SYT16: variants seen among roughly 807,000 people sequenced by gnomAD.
SYT16 encodes synaptotagmin-16.
A neutral mutation model predicts 61.4 loss-of-function variants in SYT16; 42 were observed. That is an observed-to-expected ratio of 0.68 (90% confidence interval 0.53 to 0.89). SYT16 has a LOEUF of 0.89. SYT16 is among the 40% of genes least tolerant of loss of function. The pLI, the probability that SYT16 is intolerant of heterozygous loss-of-function variation, is 0.00. For missense variants in SYT16, 804 were observed against 807.3 expected (o/e 1.00, Z 0.05); for synonymous variants, 314 against 302.3 (o/e 1.04, Z -0.40).
At chr14:61,921,572 C>T (rs781034301) in intron 1 of SYT16, among the ~76,000 whole-genome samples, 10 of 152,212 alleles carry the variant, frequency 6.6e-5, no homozygotes, top group Non-Finnish European at 1.2e-4. Flanking sequence ...CCTTAGAGGT[C>T]TATATTCCAT....
chr14:61,812,634 G>T (rs890950867), upstream of SYT16: 1 of 146,032 alleles, frequency 6.8e-6, no homozygotes, highest in Non-Finnish European at 1.5e-5. Flanking sequence ...TGCTGGGCGC[G>T]GGGCGGCGCG....
At chr14:61,859,406 C>T (rs1032531941) in intron 1 of SYT16, among the ~76,000 whole-genome samples, 1 of 152,046 alleles carries the variant, frequency 6.6e-6, no homozygotes, top group African/African-American at 2.4e-5. Context: ...ATGTAAACTT[C>T]ACATTTGATT....
At chr14:61,920,308 G>A (rs1038475326) in intron 1 of SYT16, among the ~76,000 whole-genome samples, 2 of 152,178 alleles carry the variant, frequency 1.3e-5, no homozygotes, top group African/African-American at 4.8e-5. Flanking sequence ...AAACATGCAG[G>A]TTTGTTAATA....
chr14:62,058,317 C>T (rs554392661), intron 3 of SYT16, among the ~76,000 whole-genome samples: 6 of 145,394 alleles, frequency 4.1e-5, no homozygotes, highest in African/African-American at 1.3e-4. Context: ...GTTATATGGT[C>T]AAATGTATGT....
chr14:62,009,496 G>T lies in SYT16; in HGVS notation c.523+12954G>T, dbSNP rs576965226. ...AAATTGGAGAAATGTGTTGGAATCT[G>T]TGCTGGTTCTCAAACTACTATCTCT... On this transcript the variant is annotated intron_variant, in intron 3 of 7. Coordinates refer to ENST00000683842, the MANE Select transcript of SYT16 (RefSeq NM_001367656.1). Among the ~76,000 whole-genome samples, 17 of 152,256 alleles carry T rather than the reference G, an allele frequency of 1.1e-4. No homozygotes were observed. The South Asian group carries it at 3.5e-3, about 32-fold the overall frequency.
chr14:61,935,582 A>C (rs1042246141), intron 1 of SYT16, among the ~76,000 whole-genome samples: 1 of 152,070 alleles, frequency 6.6e-6, no homozygotes, highest in South Asian at 2.1e-4. Flanking sequence ...AAACCGATCT[A>C]GTTGTTGGGG....
At chr14:61,842,141 G>C (rs1241314646) in intron 1 of SYT16, among the ~76,000 whole-genome samples, 1 of 152,064 alleles carries the variant, frequency 6.6e-6, no homozygotes, top group Non-Finnish European at 1.5e-5. Flanking sequence ...TGTAAAATGA[G>C]GGATCTCTAC....
At chr14:62,092,027 A>G (rs1297509089) in intron 7 of SYT16, among the ~76,000 whole-genome samples, 1 of 152,132 alleles carries the variant, frequency 6.6e-6, no homozygotes, top group African/African-American at 2.4e-5. Context: ...TTAAAACTGG[A>G]TTAAAGACTT....
chr14:62,065,125 C>T (rs1260991452), intron 3 of SYT16, among the ~76,000 whole-genome samples: 2 of 152,208 alleles, frequency 1.3e-5, no homozygotes, highest in Non-Finnish European at 2.9e-5. Context: ...AAAGAAAGCA[C>T]TCTTCACAGG....
At chr14:61,904,115 C>T (rs1047427740) in intron 1 of SYT16, among the ~76,000 whole-genome samples, 10 of 152,316 alleles carry the variant, frequency 6.6e-5, no homozygotes, top group African/African-American at 1.9e-4. Flanking sequence ...TATGCATTTC[C>T]TGTCATTAAC....
chr14:61,933,847 G>A (rs955480707), intron 1 of SYT16, among the ~76,000 whole-genome samples: 7 of 152,092 alleles, frequency 4.6e-5, no homozygotes, highest in African/African-American at 1.7e-4. Flanking sequence ...AAATAAGGAG[G>A]ATATTTAAAA....
At chr14:61,934,977 A>C (rs1038186528) in intron 1 of SYT16, among the ~76,000 whole-genome samples, 1 of 152,028 alleles carries the variant, frequency 6.6e-6, no homozygotes, top group Non-Finnish European at 1.5e-5. Context: ...CTTCCTTTTT[A>C]TTTTCAAAAT....
intron 1 of SYT16, among the ~76,000 whole-genome samples, chr14:61,830,850 TGAG>T (rs2045915520): frequency 6.6e-6 from 1 of 152,064 alleles, no homozygotes; most frequent in Admixed American, 6.6e-5. Flanking sequence ...TCCATTCCAG[TGAG>T]GAGGAGAAGG....
rs1019638378 is a variant in SYT16 at position 62,106,633 on chromosome 14, T to A, written c.*5926T>A. The A allele has an allele frequency of 6.6e-6, 1 of 152,176 alleles. No individual in the cohort carries two copies. The highest frequency in any genetic ancestry group is 1.5e-5 in the Non-Finnish European group (1 of 68,038). 9.4% of individuals were successfully genotyped at this position (152,176 alleles called of 1,614,324 possible). ...TTTGGACATTTTTTCCACATTGATT[T>A]TTCTCTGCATCATAGAAAGTTTTCT... On this transcript the variant is annotated 3_prime_UTR_variant, in exon 8 of 8. Transcript: ENST00000683842.
intron 3 of SYT16, among the ~76,000 whole-genome samples, chr14:62,038,263 C>G (rs1286596328): frequency 2.0e-5 from 3 of 151,282 alleles, no homozygotes; most frequent in East Asian, 2.0e-4. Flanking sequence ...AATTCACAGC[C>G]TCTACTTTTG....
chr14:62,077,443 C>T (rs1325132133), intron 5 of SYT16, among the ~76,000 whole-genome samples: 2 of 152,196 alleles, frequency 1.3e-5, no homozygotes, highest in East Asian at 3.9e-4. Flanking sequence ...CCTGCAGACC[C>T]AGGGCTTGGC....
chr14:61,829,611 G>T lies in SYT16; in HGVS notation c.-325+16801G>T, dbSNP rs2045874189. Among the ~76,000 whole-genome samples, 3 of 151,070 alleles carry T rather than the reference G, an allele frequency of 2.0e-5. No individual in the cohort carries two copies. The South Asian group carries it at 6.2e-4, about 31-fold the overall frequency. On this transcript the variant is annotated intron_variant, in intron 1 of 7. Coordinates refer to ENST00000683842, the MANE Select transcript of SYT16 (RefSeq NM_001367656.1). ...TTGTTCATACCTTCCTCCTAAACTTGTCTCTCTATTGTTCAGATTAGACAA... is the reference window on the plus strand; with the variant it reads ...TTGTTCATACCTTCCTCCTAAACTTTTCTCTCTATTGTTCAGATTAGACAA...
intron 6 of SYT16, among the ~76,000 whole-genome samples, chr14:62,081,477 T>C (rs1445043271): frequency 1.3e-5 from 2 of 152,166 alleles, no homozygotes; most frequent in African/African-American, 4.8e-5. Context: ...ACCTGATGGA[T>C]AAATGCCCTG....
chr14:61,825,232 G>A (rs1420505954), intron 1 of SYT16, among the ~76,000 whole-genome samples: 1 of 152,080 alleles, frequency 6.6e-6, no homozygotes, highest in Non-Finnish European at 1.5e-5. Context: ...GTCACTTCAG[G>A]GTGGTTATTC....
Sources: gnomAD v4.1 joint callset for allele counts (sites outside exome capture counted in the v4.1 genomes callset) on GRCh38, gnomAD v4.1.1 for gene constraint, MANE v1.5 for transcripts, NCBI Gene and HGNC (gene_info 2026-07-23, HGNC 2026-07-21) for gene names.